Variants in IGFBP6 observed in about 807,000 individuals in gnomAD.
IGFBP6 encodes the protein insulin like growth factor binding protein 6, also known as insulin-like growth factor-binding protein 6.
In IGFBP6, 24 loss-of-function variants were observed where a neutral mutation model predicts 24.5. The ratio of observed to expected loss-of-function variants is 0.98; its 90% CI spans 0.71 to 1.38. The LOEUF (loss-of-function observed/expected upper bound fraction) is 1.38. Ranked by LOEUF, IGFBP6 falls within the 40% of genes most tolerant of loss-of-function variation. The probability of loss-of-function intolerance (pLI) is 0.00; values close to 1 mark genes in which losing one functional copy is unlikely to be tolerated. For synonymous variants in IGFBP6, 147 were observed against 137.4 expected, an observed-to-expected ratio of 1.07 and a Z score of -0.49; for missense variants, 331 against 324.8, an observed-to-expected ratio of 1.02 and a Z score of -0.15.
At position 53,100,706 on chromosome 12, in the gene IGFBP6, C is replaced by T. The variant is rs1937811741; in HGVS notation, c.335-6C>T. 10 of 1,614,006 alleles carry T rather than the reference C, an allele frequency of 6.2e-6. No individual in the cohort carries two copies. The highest frequency in any genetic ancestry group is 7.6e-6 in the Non-Finnish European group (9 of 1,179,986). On this transcript the variant is annotated splice_region_variant and splice_polypyrimidine_tract_variant and intron_variant, in intron 1 of 3. Coordinates refer to ENST00000301464, the MANE Select transcript of IGFBP6 (RefSeq NM_002178.3). ...CTGACCTCTCCTTCTCCTATTCCTC[C>T]TCCAGTTGCAGAGGAGAATCCTAAG...
chr12:53,101,141 G>A lies in IGFBP6; in HGVS notation c.581G>A (p.Gly194Asp). Residue 194 changes from glycine (G) to aspartate (D), a missense_variant, in exon 3 of 4, where the codon GGC becomes GAC. Physicochemically the swap from Gly to Asp is moderately conservative, Grantham distance 94. Transcript: ENST00000301464. ...TLYVPNCDHR[G>D]FYRKRQCRSS... ...TACGTGCCCAATTGTGACCATCGAG[G>A]CTTCTACCGGAAGCGGCAGGTGAGA... The A allele has an allele frequency of 2.5e-6, 4 of 1,614,094 alleles. No individual in the cohort carries two copies. The highest frequency in any genetic ancestry group is 3.4e-6 in the Non-Finnish European group (4 of 1,179,932).
rs1014635779 is a variant in IGFBP6, at chr12:53,097,706, C to G, written c.-12C>G. On this transcript the variant is annotated 5_prime_UTR_variant, in exon 1 of 4. Coordinates refer to ENST00000301464, the MANE Select transcript of IGFBP6 (RefSeq NM_002178.3). The stretch of plus-strand genomic sequence containing the variant: ...TGCTCTGGAAGGAGAGGACGGGGCA[C>G]AAACCCTGACCATGACCCCCCACAG... 38 of 1,542,624 alleles carry G rather than the reference C, an allele frequency of 2.5e-5. No homozygotes were observed. The highest frequency in any genetic ancestry group is 1.4e-4 in the Admixed American group (7 of 50,894).
At chr12:53,101,898 CAAAA>C (rs57771658) in intron 3 of IGFBP6, 143 bp from the exon 4 acceptor site, 2,680 of 197,804 alleles carry the variant, frequency 0.014, 2 homozygotes, top group African/African-American at 0.028. Context: ...GACTCCATCT[CAAAA>C]AAAAAAAAAA....
chr12:53,097,751 C>A lies in IGFBP6; in HGVS notation c.34C>A (p.Leu12Met). 1 of 1,545,652 alleles carries A rather than the reference C, an allele frequency of 6.5e-7. No individual in the cohort carries two copies. Reference sequence around the variant, plus strand: ...CCACAGGCTGCTGCCACCGCTGCTGCTGCTGCTAGCTCTGCTGCTCGCTGC... The same window carrying A: ...CCACAGGCTGCTGCCACCGCTGCTGATGCTGCTAGCTCTGCTGCTCGCTGC... ...TPHRLLPPLL[L>M]LLALLLAASP... Residue 12 changes from leucine (L) to methionine (M), a missense_variant, in exon 1 of 4, where the codon CTG becomes ATG. Physicochemically the swap from Leu to Met is conservative, Grantham distance 15. Coordinates refer to ENST00000301464, the MANE Select transcript of IGFBP6 (RefSeq NM_002178.3).
Position 53,100,818 on chromosome 12 carries a change from C to T in IGFBP6, c.441C>T (p.Pro147=). ...GGAATCCAGGCACCTCTACCACGCC[C>T]TCCCAGCCCAATTCTGCGGGTGTCC... ...QQRNPGTSTT[P]SQPNSAGVQD... The change falls in exon 2 of 4, where the codon CCC becomes CCT. Residue 147 remains proline (P), a synonymous_variant. Transcript: ENST00000301464. 2 of 1,614,238 alleles carry T rather than the reference C, an allele frequency of 1.2e-6. No individual in the cohort carries two copies. The highest frequency in any genetic ancestry group is 1.7e-6 in the Non-Finnish European group (2 of 1,180,054).
chr12:53,101,898 C>CAAAAAA (rs57771658), intron 3 of IGFBP6, 147 bp from the exon 4 acceptor site: 32 of 199,406 alleles, frequency 1.6e-4, no homozygotes, highest in East Asian at 4.9e-4. Context: ...GACTCCATCT[C>CAAAAAA]AAAAAAAAAA....
At chr12:53,098,253 A>G (rs1224377360) in intron 1 of IGFBP6, among the ~76,000 whole-genome samples, 2 of 152,248 alleles carry the variant, frequency 1.3e-5, no homozygotes, top group African/African-American at 2.4e-5. Flanking sequence ...GTGATACAGC[A>G]GAAGGTGTCT....
chr12:53,100,691 C>T (rs1015996876), intron 1 of IGFBP6, 21 bp from the exon 2 acceptor site: 5 of 1,613,586 alleles, frequency 3.1e-6, no homozygotes, highest in East Asian at 4.5e-5. Context: ...CTGACCTCTC[C>T]TTCTCCTATT....
intron 1 of IGFBP6, chr12:53,098,905 G>A (rs1227577332): frequency 6.5e-6 from 1 of 153,408 alleles, no homozygotes; most frequent in African/African-American, 2.4e-5. Context: ...TTCACTTGGA[G>A]TTTCTTTCAG....
Position 53,097,987 on chromosome 12 carries a change from C to G in IGFBP6, c.270C>G (p.Asp90Glu), listed in dbSNP as rs1196459181. Residue 90 changes from aspartate (D) to glutamate (E), a missense_variant, in exon 1 of 4, where the codon GAC (aspartate) becomes GAG (glutamate). Asp to Glu is a conservative substitution (Grantham distance 45). Coordinates refer to ENST00000301464, the MANE Select transcript of IGFBP6 (RefSeq NM_002178.3). Reference protein sequence around the residue: ...PGLQCHPPKDDEAPLRALLLG... With the variant: ...PGLQCHPPKDEEAPLRALLLG... ...TGCAGTGCCATCCGCCCAAGGACGACGAGGCGCCTTTGCGGGCGCTGCTGC... is the reference window on the plus strand; with the variant it reads ...TGCAGTGCCATCCGCCCAAGGACGAGGAGGCGCCTTTGCGGGCGCTGCTGC... The G allele has an allele frequency of 6.6e-7, 1 of 1,515,944 alleles. No homozygotes were observed. The highest frequency in any genetic ancestry group is 2.1e-5 in the Admixed American group (1 of 48,060). The allele number at this position is 1,515,944 out of a possible 1,614,324, so 93.9% of individuals were successfully genotyped here.
chr12:53,102,281 C>A lies in IGFBP6; in HGVS notation c.*114C>A. The A allele has an allele frequency of 8.2e-7, 1 of 1,221,224 alleles. No homozygotes were observed. Among genetic ancestry groups the A allele is most frequent in the Non-Finnish European group, 1.1e-6 (1 of 880,528 alleles). 75.6% of individuals were successfully genotyped at this position (1,221,224 alleles called of 1,614,324 possible). ...CAGGCCCCGCCCCATGGGCCCCTCA[C>A]CGCTGGTTGGAAAGAGTGTTGGTGT... On this transcript the variant is annotated 3_prime_UTR_variant, in exon 4 of 4. Transcript: ENST00000301464.
rs957876315 is a variant in IGFBP6 at position 53,098,068 on chromosome 12, C to A, written c.334+17C>A. On this transcript the variant is annotated intron_variant, in intron 1 of 3. Coordinates refer to ENST00000301464, the MANE Select transcript of IGFBP6 (RefSeq NM_002178.3). ...CGCCTGCTGGTGAGTCCGCGCCCCGCCCCTGCCCCGCCCACGTGAGACCCG... is the reference window on the plus strand; with the variant it reads ...CGCCTGCTGGTGAGTCCGCGCCCCGACCCTGCCCCGCCCACGTGAGACCCG... The A allele has an allele frequency of 6.4e-6, 9 of 1,411,180 alleles. No individual in the cohort carries two copies. In the African/African-American group the frequency reaches 1.4e-4, roughly 21 times the overall value. 87.4% of individuals were successfully genotyped at this position (1,411,180 alleles called of 1,614,324 possible). A position where few individuals can be genotyped will look rare whatever the true frequency, so the allele number is the denominator to read the frequency against.
At position 53,100,876 on chromosome 12, in the gene IGFBP6, G is replaced by C. The variant is rs375171205; in HGVS notation, c.480+19G>C. 7.4e-5 allele frequency: 119 copies of C among 1,613,718 alleles called. No individual in the cohort carries two copies. The highest frequency in any genetic ancestry group is 9.3e-5 in the Non-Finnish European group (110 of 1,179,906). ...TGAGATGGTGCGTTTGGAGCTGGTAGGGAGCAGGAGGGGTGGGAAGCCCTG... is the reference window on the plus strand; with the variant it reads ...TGAGATGGTGCGTTTGGAGCTGGTACGGAGCAGGAGGGGTGGGAAGCCCTG... On this transcript the variant is annotated intron_variant, in intron 2 of 3. Transcript: ENST00000301464.
chr12:53,102,243 C>T lies in IGFBP6; in HGVS notation c.*76C>T. Reference sequence around the variant, plus strand: ...CATCACTCAACAAAAAACCGAGGCCCTCAATCCACCTTCAGGCCCCGCCCC... The same window carrying T: ...CATCACTCAACAAAAAACCGAGGCCTTCAATCCACCTTCAGGCCCCGCCCC... On this transcript the variant is annotated 3_prime_UTR_variant, in exon 4 of 4. Transcript: ENST00000301464. The T allele has an allele frequency of 3.9e-6, 6 of 1,547,762 alleles. No homozygotes were observed. Among genetic ancestry groups the T allele is most frequent in the African/African-American group, 2.7e-5 (2 of 73,390 alleles).
At position 53,101,923 on chromosome 12, in the gene IGFBP6, A is replaced by AG. The variant is rs1937835920; in HGVS notation, c.601-122_601-121insG. Reference sequence around the variant, plus strand: ...CAAAAAAAAAAAAAAAAAAAAAAAAAAGAGAGGGAACCCCCGAGGAGACGC... The same window carrying AG: ...CAAAAAAAAAAAAAAAAAAAAAAAAAGAGAGAGGGAACCCCCGAGGAGACGC... On this transcript the variant is annotated intron_variant, in intron 3 of 3. Coordinates refer to ENST00000301464, the MANE Select transcript of IGFBP6 (RefSeq NM_002178.3). The AG allele has an allele frequency of 5.9e-6, 5 of 852,758 alleles. No individual in the cohort carries two copies. The South Asian group carries it at 7.9e-5, about 13-fold the overall frequency. The allele number at this position is 852,758 out of a possible 1,614,324, so 52.8% of individuals were successfully genotyped here. A position where few individuals can be genotyped will look rare whatever the true frequency, so the allele number is the denominator to read the frequency against.
chr12:53,100,743 C>G lies in IGFBP6; in HGVS notation c.366C>G (p.Pro122=), dbSNP rs760335265. The G allele has an allele frequency of 6.2e-6, 10 of 1,614,142 alleles. No individual in the cohort carries two copies. The highest frequency in any genetic ancestry group is 3.3e-4 in the Middle Eastern group (2 of 6,062). The change falls in exon 2 of 4, where the codon CCC becomes CCG. Residue 122 remains proline, a synonymous_variant. Coordinates refer to ENST00000301464, the MANE Select transcript of IGFBP6 (RefSeq NM_002178.3). ...VAEENPKESK[P]QAGTARPQDV... ...AGGAGAATCCTAAGGAGAGTAAACC[C>G]CAAGCAGGCACTGCCCGCCCACAGG... is the stretch of plus-strand genomic sequence containing the variant.
At chr12:53,099,563 GC>G (rs1191848954) in intron 1 of IGFBP6, among the ~76,000 whole-genome samples, 6 of 152,082 alleles carry the variant, frequency 3.9e-5, no homozygotes, top group South Asian at 2.1e-4. Flanking sequence ...GTCCCTGTTG[GC>G]CCCCCTCCTA....
chr12:53,097,810 C>G lies in IGFBP6; in HGVS notation c.93C>G (p.Gly31=), dbSNP rs1331011510. The G allele has an allele frequency of 1.3e-6, 2 of 1,542,212 alleles. No individual in the cohort carries two copies. Among genetic ancestry groups the G allele is most frequent in the South Asian group, 2.4e-5 (2 of 83,768 alleles). ...GAGGCGCCTTGGCGCGGTGCCCAGGCTGCGGGCAAGGGGTGCAGGCGGGTT... is the reference window on the plus strand; with the variant it reads ...GAGGCGCCTTGGCGCGGTGCCCAGGGTGCGGGCAAGGGGTGCAGGCGGGTT... ...SPGGALARCP[G]CGQGVQAGCP... Residue 31 remains glycine, a synonymous_variant, in exon 1 of 4, where the codon GGC becomes GGG. Coordinates refer to ENST00000301464, the MANE Select transcript of IGFBP6 (RefSeq NM_002178.3).
chr12:53,097,696 G>T lies in IGFBP6; in HGVS notation c.-22G>T. 1 of 1,540,026 alleles carries T rather than the reference G, an allele frequency of 6.5e-7. No homozygotes were observed. Among genetic ancestry groups the T allele is most frequent in the South Asian group, 1.2e-5 (1 of 83,904 alleles). On this transcript the variant is annotated 5_prime_UTR_variant, in exon 1 of 4. The change creates a new upstream start codon in the 5' untranslated region. Transcript: ENST00000301464. ...GCGCTGCGACTGCTCTGGAAGGAGAGGACGGGGCACAAACCCTGACCATGA... is the reference window on the plus strand; with the variant it reads ...GCGCTGCGACTGCTCTGGAAGGAGATGACGGGGCACAAACCCTGACCATGA...
Sources: allele counts gnomAD v4.1 joint callset (sites outside exome capture counted in the v4.1 genomes callset), GRCh38; gene constraint gnomAD v4.1.1; transcripts MANE v1.5; gene names NCBI Gene and HGNC (gene_info 2026-07-23, HGNC 2026-07-21).